Variants in B4GALT6 observed in about 807,000 individuals in gnomAD.
B4GALT6 encodes UDP-Gal:beta-GlcNAc beta-1,4-galactosyltransferase 6.
Under a neutral mutation model 46.3 loss-of-function variants are expected in B4GALT6, and 14 were observed. The observed-to-expected ratio is 0.30, with a 90% CI of 0.20 to 0.47. The LOEUF (loss-of-function observed/expected upper bound fraction) is 0.47, where lower values mean the gene tolerates loss of function less well. Ranked by LOEUF, B4GALT6 falls within the 20% of genes least tolerant of loss-of-function variation. The probability of loss-of-function intolerance (pLI) is 0.99; values close to 1 mark genes in which losing one functional copy is unlikely to be tolerated. For synonymous variants in B4GALT6, 168 were observed against 162.0 expected (o/e 1.04, Z -0.28); for missense variants, 386 against 480.1 (o/e 0.80, Z 1.83).
rs971585773 is a variant in B4GALT6, at chr18:31,625,316, A to G, written c.*298T>C. On this transcript the variant is annotated 3_prime_UTR_variant, in exon 9 of 9. Transcript: ENST00000306851. ...AACGGAAATAAAAGCATTCTCTTGA[A>G]TTAAATTATAGATTTTAGTATAAAA... 2.7e-5 allele frequency: 8 copies of G among 292,560 alleles called. No individual in the cohort carries two copies. Among genetic ancestry groups the G allele is most frequent in the Admixed American group, 1.1e-4 (2 of 18,944 alleles). The allele number at this position is 292,560 out of a possible 1,614,324, so 18.1% of individuals were successfully genotyped here.
chr18:31,658,261 A>G, intron 2 of B4GALT6, 172 bp from the exon 3 acceptor site: 1 of 528,946 alleles, frequency 1.9e-6, no homozygotes, highest in Non-Finnish European at 3.4e-6. Context: ...CGGGGAACAG[A>G]CCTCTCAGCA....
chr18:31,644,527 T>G (rs1567965760), intron 4 of B4GALT6, among the ~76,000 whole-genome samples: 1 of 152,202 alleles, frequency 6.6e-6, no homozygotes, highest in Non-Finnish European at 1.5e-5. Context: ...AGATCAAGGT[T>G]ATATCACAAT....
At chr18:31,719,930 A>C in the B4GALT6 span, among the ~76,000 whole-genome samples, 1 of 152,160 alleles carries the variant, frequency 6.6e-6, no homozygotes. Context: ...CTCCAGGAGC[A>C]ATGTGGGGAG....
chr18:31,639,202 T>C (rs1192679900), intron 4 of B4GALT6, among the ~76,000 whole-genome samples: 1 of 151,950 alleles, frequency 6.6e-6, no homozygotes, highest in Admixed American at 6.6e-5. Flanking sequence ...AGTACATGGG[T>C]TTTCAACACA....
chr18:31,634,002 C>A lies in B4GALT6; in HGVS notation c.589-2856G>T, dbSNP rs549809327. Among the ~76,000 whole-genome samples the A allele has an allele frequency of 1.1e-4, 17 of 152,300 alleles. 1 individual carries two copies. In the East Asian group the frequency reaches 2.3e-3, roughly 21 times the overall value. Reference sequence around the variant, plus strand: ...GGGACCTGATAAAGTGACAGGCTGGCCTTTTCTTTTGGAGACCTTCAAATA... The same window carrying A: ...GGGACCTGATAAAGTGACAGGCTGGACTTTTCTTTTGGAGACCTTCAAATA... On this transcript the variant is annotated intron_variant, in intron 5 of 8. Coordinates refer to ENST00000306851, the MANE Select transcript of B4GALT6 (RefSeq NM_004775.5).
chr18:31,623,704 G>T lies in B4GALT6; in HGVS notation c.*1910C>A, dbSNP rs2073648200. The T allele has an allele frequency of 6.6e-6, 1 of 152,080 alleles. No homozygotes were observed. Among genetic ancestry groups the T allele is most frequent in the Non-Finnish European group, 1.5e-5 (1 of 67,826 alleles). 9.4% of individuals were successfully genotyped at this position (152,080 alleles called of 1,614,324 possible). A position where few individuals can be genotyped will look rare whatever the true frequency, so the allele number is the denominator to read the frequency against. On this transcript the variant is annotated 3_prime_UTR_variant, in exon 9 of 9. Transcript: ENST00000306851. ...ATAAATATTTTGGAAATAGTTCTAA[G>T]AAATAAATATGAAAATATTTTGTTT...
intron 4 of B4GALT6, among the ~76,000 whole-genome samples, chr18:31,643,631 G>A (rs1446302639): frequency 6.6e-6 from 1 of 152,092 alleles, no homozygotes; most frequent in Non-Finnish European, 1.5e-5. Flanking sequence ...TTTCCATACT[G>A]TTACCTACTG....
the B4GALT6 span, among the ~76,000 whole-genome samples, chr18:31,693,403 T>G: frequency 1.3e-5 from 2 of 152,216 alleles, no homozygotes; most frequent in Non-Finnish European, 2.9e-5. Context: ...AAATAGCTGT[T>G]ACACATATGG....
chr18:31,710,519 C>T, the B4GALT6 span, among the ~76,000 whole-genome samples: 2 of 152,074 alleles, frequency 1.3e-5, no homozygotes, highest in African/African-American at 2.4e-5. Context: ...AAGACAGAGG[C>T]AGAGATTGGA....
the B4GALT6 span, among the ~76,000 whole-genome samples, chr18:31,718,722 G>T: frequency 6.6e-6 from 1 of 152,160 alleles, no homozygotes; most frequent in Non-Finnish European, 1.5e-5. Flanking sequence ...CCGCTACCAG[G>T]AAGGGCACTG....
chr18:31,653,536 A>C (rs2074102372), intron 3 of B4GALT6, among the ~76,000 whole-genome samples: 1 of 145,678 alleles, frequency 6.9e-6, no homozygotes, highest in South Asian at 2.2e-4. Context: ...TCCGCCTCCA[A>C]GGTTCAAGCG....
At chr18:31,675,809 A>G (rs573782718) in intron 1 of B4GALT6, among the ~76,000 whole-genome samples, 2 of 152,342 alleles carry the variant, frequency 1.3e-5, no homozygotes, top group East Asian at 3.9e-4. Context: ...GTTGAAAATT[A>G]GTGATGTCAG....
intron 1 of B4GALT6, among the ~76,000 whole-genome samples, chr18:31,668,821 G>A (rs899487820): frequency 2.1e-3 from 305 of 146,340 alleles, no homozygotes; most frequent in African/African-American, 7.2e-3. Flanking sequence ...CCAACATGGT[G>A]AAATGCCGTC....
chr18:31,688,256 T>TAC (rs1395666271), upstream of B4GALT6, among the ~76,000 whole-genome samples: 507 of 148,508 alleles, frequency 3.4e-3, 4 homozygotes, highest in African/African-American at 0.012. Context: ...TGTATATATA[T>TAC]ATACATATAT....
upstream of B4GALT6, among the ~76,000 whole-genome samples, chr18:31,689,527 G>A (rs2030038178): frequency 1.3e-5 from 2 of 152,078 alleles, no homozygotes; most frequent in African/African-American, 2.4e-5. Flanking sequence ...GGTGGATCAC[G>A]AGATCAGGAG....
At chr18:31,628,448 T>C (rs1043548336) in intron 6 of B4GALT6, among the ~76,000 whole-genome samples, 19 of 152,248 alleles carry the variant, frequency 1.2e-4, no homozygotes, top group African/African-American at 4.1e-4. Flanking sequence ...TCAGCAAGCC[T>C]ATCAATTCCA....
chr18:31,678,114 C>T (rs897955552), intron 1 of B4GALT6, among the ~76,000 whole-genome samples: 3 of 152,090 alleles, frequency 2.0e-5, no homozygotes, highest in Non-Finnish European at 4.4e-5. Flanking sequence ...CAGGGTGCTG[C>T]GGAGTCTAAG....
the B4GALT6 span, chr18:31,724,324 C>G: frequency 1.7e-6 from 1 of 599,148 alleles, no homozygotes; most frequent in Admixed American, 3.1e-5. Flanking sequence ...ATTGTGGCTA[C>G]TAGTCCAGGC....
At chr18:31,707,036 A>C in the B4GALT6 span, among the ~76,000 whole-genome samples, 1 of 152,178 alleles carries the variant, frequency 6.6e-6, no homozygotes, top group African/African-American at 2.4e-5. Flanking sequence ...ACAGAGAAAC[A>C]TACATTACCT....
Sources: gnomAD v4.1 joint callset for allele counts (sites outside exome capture counted in the v4.1 genomes callset) on GRCh38, gnomAD v4.1.1 for gene constraint, MANE v1.5 for transcripts, NCBI Gene and HGNC (gene_info 2026-07-23, HGNC 2026-07-21) for gene names.